FAM163A: variants seen among roughly 807,000 people sequenced by gnomAD.
FAM163A encodes the protein family with sequence similarity 163 member A.
A neutral mutation model predicts 12.0 loss-of-function variants in FAM163A; 7 were observed. The observed-to-expected ratio is 0.58, with a 90% confidence interval of 0.33 to 1.10. FAM163A has a LOEUF of 1.10. Among genes scored for constraint, FAM163A ranks in the 50% least tolerant of loss-of-function variants. The probability of loss-of-function intolerance (pLI) is 0.03; values close to 1 mark genes in which losing one functional copy is unlikely to be tolerated. For synonymous variants in FAM163A, 101 were observed against 91.0 expected (o/e 1.11, Z -0.62); for missense variants, 202 against 218.6 (o/e 0.92, Z 0.48).
chr1:179,792,967 A>C (rs1167885503), intron 1 of FAM163A, among the ~76,000 whole-genome samples: 3 of 152,052 alleles, frequency 2.0e-5, no homozygotes, highest in Non-Finnish European at 2.9e-5. Flanking sequence ...GAAAGGGTGC[A>C]TAAAGAAAGT....
rs142786339 is a variant in FAM163A at position 179,753,362 on chromosome 1, G to C, written c.-136+9939G>C. On this transcript the variant is annotated intron_variant, in intron 1 of 4. Transcript: ENST00000341785. Reference sequence around the variant, plus strand: ...AAAATTTCAGTTATGTGAGGGATCTGCTGTACAACATTGTGTTTATGGATA... The same window carrying C: ...AAAATTTCAGTTATGTGAGGGATCTCCTGTACAACATTGTGTTTATGGATA... 4.4e-3 allele frequency among the ~76,000 whole-genome samples: 667 copies of C among 152,310 alleles called. 3 individuals carry two copies. The highest frequency in any genetic ancestry group is 0.015 in the African/African-American group (636 of 41,552).
At chr1:179,798,943 G>T (rs986090652) in intron 1 of FAM163A, among the ~76,000 whole-genome samples, 1 of 152,164 alleles carries the variant, frequency 6.6e-6, no homozygotes, top group African/African-American at 2.4e-5. Flanking sequence ...CACCCTGAGT[G>T]TGAGGACTCT....
chr1:179,756,214 G>A (rs1381243325), intron 1 of FAM163A, among the ~76,000 whole-genome samples: 3 of 152,232 alleles, frequency 2.0e-5, no homozygotes, highest in Non-Finnish European at 4.4e-5. Flanking sequence ...AAGGGTTAGG[G>A]TTGAGTACAG....
At chr1:179,744,519 G>A (rs1684171033) in intron 1 of FAM163A, among the ~76,000 whole-genome samples, 1 of 152,152 alleles carries the variant, frequency 6.6e-6, no homozygotes, top group South Asian at 2.1e-4. Context: ...GGAAGTCAGG[G>A]GTGCAGATCT....
At chr1:179,776,592 T>C (rs933229689) in intron 1 of FAM163A, among the ~76,000 whole-genome samples, 3 of 151,988 alleles carry the variant, frequency 2.0e-5, no homozygotes, top group Admixed American at 6.6e-5. Flanking sequence ...AGGAGGTAAG[T>C]GTGTGTGTAT....
intron 1 of FAM163A, among the ~76,000 whole-genome samples, chr1:179,793,859 T>A (rs998627327): frequency 3.3e-5 from 5 of 152,246 alleles, no homozygotes; most frequent in African/African-American, 1.2e-4. Flanking sequence ...GGGTGGCTGT[T>A]GCCGGCCCAG....
chr1:179,758,195 C>T (rs755942507), intron 1 of FAM163A, among the ~76,000 whole-genome samples: 4 of 152,102 alleles, frequency 2.6e-5, no homozygotes, highest in Non-Finnish European at 5.9e-5. Context: ...ACAGAGGAGG[C>T]GGTAAAACCA....
rs146749661 is a variant in FAM163A at position 179,773,715 on chromosome 1, G to A, written c.-136+30292G>A. On this transcript the variant is annotated intron_variant, in intron 1 of 4. Coordinates refer to ENST00000341785, the MANE Select transcript of FAM163A (RefSeq NM_173509.3). Reference sequence around the variant, plus strand: ...CTTCCCAAGCAGTCCATACCTTGCCGGGTTAGTGCTGTCTGCATTAAAGCA... The same window carrying A: ...CTTCCCAAGCAGTCCATACCTTGCCAGGTTAGTGCTGTCTGCATTAAAGCA... Among the ~76,000 whole-genome samples the A allele has an allele frequency of 2.4e-3, 358 of 152,274 alleles. 1 individual carries two copies. The highest frequency in any genetic ancestry group is 8.3e-3 in the African/African-American group (345 of 41,550).
intron 1 of FAM163A, among the ~76,000 whole-genome samples, chr1:179,796,093 G>T (rs1205509407): frequency 6.6e-6 from 1 of 150,888 alleles, no homozygotes; most frequent in Non-Finnish European, 1.5e-5. Context: ...GATATCTGAC[G>T]AAAGCTATGT....
intron 1 of FAM163A, among the ~76,000 whole-genome samples, chr1:179,779,084 G>T (rs1689374062): frequency 6.6e-6 from 1 of 152,184 alleles, no homozygotes; most frequent in Admixed American, 6.5e-5. Context: ...TGCTCTCAGT[G>T]TACATTCATA....
intron 1 of FAM163A, among the ~76,000 whole-genome samples, chr1:179,764,881 T>C (rs1261004413): frequency 6.6e-6 from 1 of 152,194 alleles, no homozygotes; most frequent in Non-Finnish European, 1.5e-5. Context: ...GGTTGCTGTG[T>C]GAATTATATA....
chr1:179,736,330 CAA>C, the FAM163A span, among the ~76,000 whole-genome samples: 1,015 of 146,620 alleles, frequency 6.9e-3, 4 homozygotes, highest in African/African-American at 0.014. Context: ...AACTCAGTGA[CAA>C]AAAAAAAAAA....
intron 1 of FAM163A, among the ~76,000 whole-genome samples, chr1:179,804,182 A>G (rs1481249595): frequency 6.6e-6 from 1 of 152,158 alleles, no homozygotes; most frequent in Non-Finnish European, 1.5e-5. Context: ...CTAAGAATAT[A>G]GATTCCTGGG....
chr1:179,791,438 G>C (rs534666908), intron 1 of FAM163A, among the ~76,000 whole-genome samples: 1 of 152,290 alleles, frequency 6.6e-6, no homozygotes, highest in Admixed American at 6.5e-5. Flanking sequence ...CCTGCAGCAT[G>C]GCCAGGAGGC....
chr1:179,805,384 G>A (rs1438035328), intron 1 of FAM163A, among the ~76,000 whole-genome samples: 4 of 152,128 alleles, frequency 2.6e-5, no homozygotes, highest in African/African-American at 9.7e-5. Context: ...CGGGGGTGGT[G>A]GCGGGCGCCT....
chr1:179,782,370 G>T (rs1689903517), intron 1 of FAM163A, among the ~76,000 whole-genome samples: 1 of 152,044 alleles, frequency 6.6e-6, no homozygotes, highest in South Asian at 2.1e-4. Flanking sequence ...TGGGGAAGGG[G>T]AGAAGGGGAC....
chr1:179,812,954 C>T (rs1694900534), intron 3 of FAM163A, 122 bp from the exon 4 acceptor site: 1 of 882,334 alleles, frequency 1.1e-6, no homozygotes, highest in South Asian at 1.7e-5. Context: ...GCCTGGCCCT[C>T]CCGGCACCTG....
At chr1:179,790,451 G>C (rs1383945864) in intron 1 of FAM163A, among the ~76,000 whole-genome samples, 1 of 152,040 alleles carries the variant, frequency 6.6e-6, no homozygotes, top group Admixed American at 6.6e-5. Context: ...CCCAGGTCTG[G>C]CTGACAGTCT....
chr1:179,788,996 C>T (rs796519147), intron 1 of FAM163A, among the ~76,000 whole-genome samples: 6 of 152,352 alleles, frequency 3.9e-5, no homozygotes, highest in African/African-American at 1.4e-4. Flanking sequence ...ATGTCAGCCT[C>T]CACTCTCCAG....
Sources: gnomAD v4.1 joint callset for allele counts (sites outside exome capture counted in the v4.1 genomes callset) on GRCh38, gnomAD v4.1.1 for gene constraint, MANE v1.5 for transcripts, NCBI Gene and HGNC (gene_info 2026-07-23, HGNC 2026-07-21) for gene names.